The following ZFHX4 variants were observed in gnomAD, a reference collection of about 807,000 sequenced individuals.
ZFHX4 encodes zinc finger homeobox protein 4.
ZFHX4 carries 56 observed loss-of-function variants against 267.6 expected under a neutral mutation model. The observed-to-expected ratio is 0.21, with a 90% CI of 0.17 to 0.26. The LOEUF is 0.26. ZFHX4 is among the 10% of genes least tolerant of loss of function. ZFHX4 has a pLI of 1.00. For synonymous variants in ZFHX4, 1,778 were observed against 1,665.6 expected (o/e 1.07, Z -1.64); for missense variants, 4,332 against 4,420.0 (o/e 0.98, Z 0.56).
At chr8:76,847,646 T>C (rs1368478116) in intron 6 of ZFHX4, among the ~76,000 whole-genome samples, 2 of 152,180 alleles carry the variant, frequency 1.3e-5, no homozygotes, top group Non-Finnish European at 1.5e-5. Flanking sequence ...GAATCACTCT[T>C]GCTTTCATAT....
At chr8:76,742,066 T>C (rs962626235) in intron 3 of ZFHX4, among the ~76,000 whole-genome samples, 9 of 152,230 alleles carry the variant, frequency 5.9e-5, no homozygotes, top group Non-Finnish European at 1.0e-4. Context: ...TCCACATAAA[T>C]AGATCCAGCT....
chr8:76,738,499 C>G (rs1809224126), intron 3 of ZFHX4, among the ~76,000 whole-genome samples: 2 of 152,138 alleles, frequency 1.3e-5, no homozygotes, highest in African/African-American at 4.8e-5. Context: ...TGAACCAAAG[C>G]CACCGATTTG....
intron 4 of ZFHX4, among the ~76,000 whole-genome samples, chr8:76,820,071 A>G (rs372466144): frequency 5.3e-5 from 8 of 152,172 alleles, no homozygotes; most frequent in African/African-American, 1.9e-4. Context: ...TACTTTTGCT[A>G]TTCTTTCTAT....
At chr8:76,850,505 C>A in intron 9 of ZFHX4, 143 bp downstream of exon 9, 2 of 761,556 alleles carry the variant, frequency 2.6e-6, no homozygotes, top group Non-Finnish European at 4.1e-6. Flanking sequence ...CCATATTTTC[C>A]AAGGCATATT....
chr8:76,759,556 G>C (rs1169569046), intron 3 of ZFHX4, among the ~76,000 whole-genome samples: 3 of 152,194 alleles, frequency 2.0e-5, no homozygotes, highest in Non-Finnish European at 2.9e-5. Flanking sequence ...AACTATCAAA[G>C]ATTTGAGCAC....
intron 3 of ZFHX4, among the ~76,000 whole-genome samples, chr8:76,738,123 G>C (rs371346196): frequency 1.3e-5 from 2 of 152,294 alleles, no homozygotes. Context: ...TGTGAAAGTG[G>C]CACTTGAGGT....
chr8:76,801,419 C>G (rs1811113490), intron 4 of ZFHX4, among the ~76,000 whole-genome samples: 1 of 152,172 alleles, frequency 6.6e-6, no homozygotes, highest in Non-Finnish European at 1.5e-5. Context: ...TTTAAAAGAA[C>G]TCTTTGTCCT....
At chr8:76,799,686 A>G (rs1340570967) in intron 4 of ZFHX4, among the ~76,000 whole-genome samples, 1 of 152,170 alleles carries the variant, frequency 6.6e-6, no homozygotes, top group Non-Finnish European at 1.5e-5. Context: ...GCTCCCTTTT[A>G]TCTCACTCTC....
At chr8:76,823,547 C>G (rs1811709181) in intron 4 of ZFHX4, among the ~76,000 whole-genome samples, 1 of 152,136 alleles carries the variant, frequency 6.6e-6, no homozygotes. Flanking sequence ...CTTTTCCTTT[C>G]CAGATTTCTT....
rs748422996 is a variant in ZFHX4, at chr8:76,863,776, T to A, written c.10062T>A (p.Ser3354Arg). ...PVQAKTSKVE[S>R]DQPQNSNDAS... Reference sequence around the variant, plus strand: ...AGGCAAAGACATCCAAAGTAGAAAGTGACCAGCCGCAAAACTCCAACGATG... The same window carrying A: ...AGGCAAAGACATCCAAAGTAGAAAGAGACCAGCCGCAAAACTCCAACGATG... Residue 3354 changes from serine (S) to arginine (R), a missense_variant, in exon 11 of 11, where the codon AGT becomes AGA. Physicochemically the swap from Ser to Arg is moderately radical, Grantham distance 110. This residue lies in a region of ZFHX4 where 1,648 missense variants were observed against 1,625.0 expected (regional missense o/e 1.01). Transcript: ENST00000651372. 1.9e-6 allele frequency: 3 copies of A among 1,551,984 alleles called. No homozygotes were observed. The highest frequency in any genetic ancestry group is 2.6e-6 in the Non-Finnish European group (3 of 1,147,254).
At chr8:76,792,455 C>T (rs749814173) in intron 4 of ZFHX4, among the ~76,000 whole-genome samples, 1 of 152,096 alleles carries the variant, frequency 6.6e-6, no homozygotes, top group Admixed American at 6.6e-5. Flanking sequence ...GAATTAAATA[C>T]CACAATGGTT....
rs769755851 is a variant in ZFHX4 at position 76,778,336 on chromosome 8, T to C, written c.3222T>C (p.Thr1074=). 45 of 1,613,860 alleles carry C rather than the reference T, an allele frequency of 2.8e-5. No homozygotes were observed. The highest frequency in any genetic ancestry group is 3.6e-5 in the Non-Finnish European group (42 of 1,179,814). ...QHVRSVKHQQ[T]EGLRKLQLHQ... is the part of the protein sequence containing the mutation. ...TCCGTTCGGTGAAGCATCAGCAGAC[T>C]GAGGGCCTACGGAAGCTCCAGCTCC... The change falls in exon 4 of 11, where the codon ACT becomes ACC. Residue 1074 remains threonine (T), a synonymous_variant. Transcript: ENST00000651372.
chr8:76,843,827 G>A (rs778085529), intron 6 of ZFHX4, among the ~76,000 whole-genome samples: 10 of 151,990 alleles, frequency 6.6e-5, no homozygotes, highest in East Asian at 3.9e-4. Flanking sequence ...ATCATCCCAC[G>A]TTTGTACTTC....
Position 76,704,732 on chromosome 8 carries a change from C to T in ZFHX4, c.644C>T (p.Ser215Leu), listed in dbSNP as rs1284014216. The change falls in exon 2 of 11, where the codon TCA becomes TTA. Residue 215 changes from serine (S) to leucine (L), a missense_variant. Transcript: ENST00000651372. ...FTADQAFPNT[S>L]ALAGVGPVLH... ...GCCGATCAGGCTTTCCCAAATACCT[C>T]AGCATTAGCAGGAGTTGGTCCTGTG... 6.2e-7 allele frequency: 1 copy of T among 1,613,988 alleles called. No homozygotes were observed. Among genetic ancestry groups the T allele is most frequent in the Admixed American group, 1.7e-5 (1 of 60,018 alleles).
chr8:76,860,429 G>GA (rs769195883), intron 10 of ZFHX4, among the ~76,000 whole-genome samples: 1 of 151,976 alleles, frequency 6.6e-6, no homozygotes, highest in Non-Finnish European at 1.5e-5. Flanking sequence ...TTCATGATGG[G>GA]AAAACCTAAG....
chr8:76,835,912 A>G (rs1033260034), intron 5 of ZFHX4, among the ~76,000 whole-genome samples: 3 of 152,166 alleles, frequency 2.0e-5, no homozygotes, highest in African/African-American at 4.8e-5. Context: ...GGATGTTTTC[A>G]TCTAGATGTT....
At chr8:76,748,179 A>G (rs1033651163) in intron 3 of ZFHX4, among the ~76,000 whole-genome samples, 1 of 152,062 alleles carries the variant, frequency 6.6e-6, no homozygotes. Context: ...TTTCATATGG[A>G]TGACTCATAA....
At chr8:76,811,672 G>A (rs1171183222) in intron 4 of ZFHX4, among the ~76,000 whole-genome samples, 1 of 152,134 alleles carries the variant, frequency 6.6e-6, no homozygotes, top group Non-Finnish European at 1.5e-5. Flanking sequence ...GAAGTGGTTT[G>A]GCAGGAAAGA....
At position 76,713,424 on chromosome 8, in the gene ZFHX4, G is replaced by A. The variant is rs573328363; in HGVS notation, c.3093+5376G>A. ...ATAGATAGAATGATTTTTATTGTGT[G>A]AAATTGTTATCAAACCCAGACAAAA... On this transcript the variant is annotated intron_variant, in intron 3 of 10. Transcript: ENST00000651372. Among the ~76,000 whole-genome samples the A allele has an allele frequency of 4.0e-3, 613 of 152,272 alleles. 2 individuals carry two copies. Among genetic ancestry groups the A allele is most frequent in the Middle Eastern group, 0.01 (3 of 290 alleles).
Sources: gnomAD v4.1 joint callset for allele counts (sites outside exome capture counted in the v4.1 genomes callset) on GRCh38, gnomAD v4.1.1 for gene constraint, gnomAD v4.1.1 regional missense constraint, MANE v1.5 for transcripts, NCBI Gene and HGNC (gene_info 2026-07-23, HGNC 2026-07-21) for gene names.